The following SLC39A14 variants were observed in gnomAD, a reference collection of about 807,000 sequenced individuals.
SLC39A14 encodes solute carrier family 39 member 14, also known as metal cation symporter ZIP14.
Under a neutral mutation model 45.5 loss-of-function variants are expected in SLC39A14, and 19 were observed. The observed-to-expected ratio is 0.42, with a 90% CI of 0.29 to 0.61. The LOEUF (loss-of-function observed/expected upper bound fraction) is 0.61. SLC39A14 is among the 20% of genes least tolerant of loss of function. The pLI, the probability that SLC39A14 is intolerant of heterozygous loss-of-function variation, is 0.22. For missense variants in SLC39A14, 447 were observed against 616.5 expected (o/e 0.73, Z 2.91); for synonymous variants, 264 against 251.3 (o/e 1.05, Z -0.48).
intron 5 of SLC39A14, 196 bp from the exon 6 acceptor site, chr8:22,415,573 G>A: frequency 1.8e-6 from 1 of 541,692 alleles, no homozygotes; most frequent in East Asian, 3.4e-5. Context: ...TGGGATTACA[G>A]GTGTGAGCCA....
At chr8:22,416,555 G>T (rs1331428942) in intron 7 of SLC39A14, among the ~76,000 whole-genome samples, 1 of 151,960 alleles carries the variant, frequency 6.6e-6, no homozygotes, top group Non-Finnish European at 1.5e-5. Context: ...CTCCCAAGTA[G>T]CTGGGATTAC....
chr8:22,428,135 G>A (rs752393361), intron 8 of SLC39A14, among the ~76,000 whole-genome samples: 5 of 151,896 alleles, frequency 3.3e-5, no homozygotes, highest in Admixed American at 2.0e-4. Flanking sequence ...CCCTGTCTAC[G>A]AAAAATACAA....
In SLC39A14 at chr8:22,421,827, A is replaced by G; in HGVS notation, c.*2129A>G. 9.1e-6 allele frequency: 9 copies of G among 985,320 alleles called. No homozygotes were observed. The highest frequency in any genetic ancestry group is 9.6e-6 in the Non-Finnish European group (8 of 829,798). The allele number at this position is 985,320 out of a possible 1,614,324, so 61.0% of individuals were successfully genotyped here. A position where few individuals can be genotyped will look rare whatever the true frequency, so the allele number is the denominator to read the frequency against. On this transcript the variant is annotated 3_prime_UTR_variant, in exon 9 of 9. Coordinates refer to ENST00000381237, the MANE Select transcript of SLC39A14 (RefSeq NM_001128431.4). The stretch of plus-strand genomic sequence containing the variant: ...TAGTTTAGGAGAGGAGCTCAAAACT[A>G]TAATCTTTAACAAATTGAAAAATGA...
rs67116858 is a variant in SLC39A14 at position 22,374,740 on chromosome 8, C to CTTT, written c.-16+7353_-16+7355dup. 8.1e-4 allele frequency among the ~76,000 whole-genome samples: 84 copies of CTTT among 104,010 alleles called. 1 individual carries two copies. Among genetic ancestry groups the CTTT allele is most frequent in the East Asian group, 2.2e-3 (9 of 4,052 alleles). The allele number at this position is 104,010 out of a possible 152,430, so 68.2% of individuals were successfully genotyped here. A position where few individuals can be genotyped will look rare whatever the true frequency, so the allele number is the denominator to read the frequency against. ...TTGGGGTGCAGCCTGCCAGCCTGCT[C>CTTT]TTTTTTTTTTTTTTTTTTTTTTTGA... On this transcript the variant is annotated intron_variant, in intron 1 of 8. Coordinates refer to ENST00000381237, the MANE Select transcript of SLC39A14 (RefSeq NM_001128431.4).
Position 22,416,728 on chromosome 8 carries a change from C to T in SLC39A14, c.1147+448C>T, listed in dbSNP as rs918306633. ...GGGATTACAGGCTTGAGCCACCGAA[C>T]GTGGCCTAACCACCATTTCTTAACG... On this transcript the variant is annotated intron_variant, in intron 7 of 8. Transcript: ENST00000381237. Among the ~76,000 whole-genome samples, 4 of 152,184 alleles carry T rather than the reference C, an allele frequency of 2.6e-5. 1 individual carries two copies. The highest frequency in any genetic ancestry group is 6.8e-3 in the Middle Eastern group (2 of 294).
downstream of SLC39A14, among the ~76,000 whole-genome samples, chr8:22,425,543 T>TA (rs1237761437): frequency 6.6e-6 from 1 of 151,822 alleles, no homozygotes; most frequent in Admixed American, 6.6e-5. Flanking sequence ...ACTTTTTTTT[T>TA]TTTTTAATAG....
chr8:22,375,605 C>T (rs1029325796), intron 1 of SLC39A14, among the ~76,000 whole-genome samples: 1 of 152,022 alleles, frequency 6.6e-6, no homozygotes, highest in African/African-American at 2.4e-5. Context: ...CCTGCCTCAG[C>T]GCCCCCTAAT....
At chr8:22,406,178 G>A (rs1453100413) in intron 2 of SLC39A14, among the ~76,000 whole-genome samples, 1 of 152,250 alleles carries the variant, frequency 6.6e-6, no homozygotes. Context: ...GCTGGGCACT[G>A]TGGCTCACGC....
intron 1 of SLC39A14, among the ~76,000 whole-genome samples, chr8:22,382,070 AG>A (rs1833544135): frequency 1.3e-5 from 2 of 152,168 alleles, no homozygotes; most frequent in South Asian, 4.2e-4. Flanking sequence ...AAACCCAGGG[AG>A]GGGGAGGTTG....
At chr8:22,413,684 T>A (rs1352605279) in intron 4 of SLC39A14, among the ~76,000 whole-genome samples, 1 of 152,112 alleles carries the variant, frequency 6.6e-6, no homozygotes, top group Non-Finnish European at 1.5e-5. Context: ...CCGTTTCCCA[T>A]CAGAAAATGG....
At chr8:22,389,742 C>T (rs1012749267) in intron 1 of SLC39A14, 1 of 152,240 alleles carries the variant, frequency 6.6e-6, no homozygotes, top group Non-Finnish European at 1.5e-5. Context: ...TTGTGAGAGG[C>T]CCTTGGAGGC....
At chr8:22,399,517 T>A (rs1019025436) in intron 1 of SLC39A14, among the ~76,000 whole-genome samples, 1 of 152,184 alleles carries the variant, frequency 6.6e-6, no homozygotes. Flanking sequence ...GCTCGCTGAA[T>A]CTGCACACCC....
intron 8 of SLC39A14, among the ~76,000 whole-genome samples, chr8:22,428,668 C>T (rs930146529): frequency 2.0e-4 from 30 of 151,774 alleles, no homozygotes; most frequent in African/African-American, 7.0e-4. Context: ...GTCTCGATCT[C>T]TTGACCTTGT....
rs1836279163 is a variant in SLC39A14 at position 22,422,403 on chromosome 8, C to T, written c.*2705C>T. The T allele has an allele frequency of 3.0e-6, 3 of 985,820 alleles. No homozygotes were observed. Among genetic ancestry groups the T allele is most frequent in the East Asian group, 1.1e-4 (1 of 8,806 alleles). 61.1% of individuals were successfully genotyped at this position (985,820 alleles called of 1,614,324 possible). The stretch of plus-strand genomic sequence containing the variant: ...ACCTTGGGTTTTAAAAAGAAGGCTT[C>T]TCTGTTTGGGTAGCGTAAGAGCTGA... On this transcript the variant is annotated 3_prime_UTR_variant, in exon 9 of 9. Coordinates refer to ENST00000381237, the MANE Select transcript of SLC39A14 (RefSeq NM_001128431.4).
Position 22,412,116 on chromosome 8 carries a change from G to T in SLC39A14, c.537G>T (p.Lys179Asn). ...GGGCCAGCGTGGTGCCCTTCATGAAGAAGACCTTTTACAAGAGGCTGCTGC... is the reference window on the plus strand; with the variant it reads ...GGGCCAGCGTGGTGCCCTTCATGAATAAGACCTTTTACAAGAGGCTGCTGC... ...LLGASVVPFMKKTFYKRLLLY... is the reference protein window; with the variant it reads ...LLGASVVPFMNKTFYKRLLLY... The change falls in exon 4 of 9, where the codon AAG becomes AAT. Residue 179 changes from lysine (K) to asparagine (N), a missense_variant. Physicochemically the swap from Lys to Asn is moderately conservative, Grantham distance 94 (BLOSUM62 0). Transcript: ENST00000381237. 1 of 1,551,728 alleles carries T rather than the reference G, an allele frequency of 6.4e-7. No individual in the cohort carries two copies.
chr8:22,402,462 T>C (rs957770564), intron 1 of SLC39A14, among the ~76,000 whole-genome samples: 1 of 152,178 alleles, frequency 6.6e-6, no homozygotes, highest in African/African-American at 2.4e-5. Context: ...CTCACTAACA[T>C]GAAATGTTTT....
intron 1 of SLC39A14, among the ~76,000 whole-genome samples, chr8:22,399,261 G>A (rs1444899951): frequency 6.6e-6 from 1 of 152,174 alleles, no homozygotes; most frequent in Non-Finnish European, 1.5e-5. Context: ...TCCCAGCGGC[G>A]TCAACAGCTG....
At chr8:22,404,319 G>A (rs1250462898) in intron 1 of SLC39A14, among the ~76,000 whole-genome samples, 2 of 151,464 alleles carry the variant, frequency 1.3e-5, no homozygotes, top group Admixed American at 6.6e-5. Flanking sequence ...CCAGCTACTT[G>A]GGAGGCCTGA....
In SLC39A14 at chr8:22,421,369, C is replaced by T. The variant is rs1169274086; in HGVS notation, c.*1671C>T. The T allele has an allele frequency of 4.1e-6, 4 of 985,742 alleles. No individual in the cohort carries two copies. The African/African-American group carries it at 7.0e-5, about 17-fold the overall frequency. 61.1% of individuals were successfully genotyped at this position (985,742 alleles called of 1,614,324 possible). A position where few individuals can be genotyped will look rare whatever the true frequency, so the allele number is the denominator to read the frequency against. On this transcript the variant is annotated 3_prime_UTR_variant, in exon 9 of 9. Coordinates refer to ENST00000381237, the MANE Select transcript of SLC39A14 (RefSeq NM_001128431.4). ...AAAAGAACGTGAGCAGGAAAAACTG[C>T]TGGTGATACTTTTTTTAAGTTTTGT...
Sources: gnomAD v4.1 joint callset for allele counts (sites outside exome capture counted in the v4.1 genomes callset) on GRCh38, gnomAD v4.1.1 for gene constraint, MANE v1.5 for transcripts, NCBI Gene and HGNC (gene_info 2026-07-23, HGNC 2026-07-21) for gene names.